STIMATE: variants seen among roughly 807,000 people sequenced by gnomAD.
STIMATE encodes store-operated calcium entry regulator STIMATE.
STIMATE carries 15 observed loss-of-function variants against 36.7 expected under a neutral mutation model. That is an observed-to-expected ratio of 0.41 (90% CI 0.27 to 0.63). The LOEUF (loss-of-function observed/expected upper bound fraction) is 0.63. Among genes scored for constraint, STIMATE ranks in the 20% least tolerant of loss-of-function variants. The pLI is 0.32. For missense variants in STIMATE, 305 were observed against 397.3 expected (o/e 0.77, Z 1.98); for synonymous variants, 163 against 162.3 (o/e 1.00, Z -0.03).
intron 1 of STIMATE, among the ~76,000 whole-genome samples, chr3:52,865,398 C>T (rs1268125778): frequency 6.6e-6 from 1 of 152,118 alleles, no homozygotes; most frequent in Non-Finnish European, 1.5e-5. Context: ...TCTACTGGTA[C>T]CAATTTACAG....
intron 2 of STIMATE, among the ~76,000 whole-genome samples, chr3:52,855,167 G>GT (rs1470571616): frequency 1.3e-5 from 2 of 152,160 alleles, no homozygotes; most frequent in African/African-American, 4.8e-5. Flanking sequence ...TGGAAGCAGA[G>GT]TGATTCTAAA....
At position 52,845,067 on chromosome 3, in the gene STIMATE, C is replaced by T. The variant is rs578206629; in HGVS notation, c.428-126G>A. 5 of 850,856 alleles carry T rather than the reference C, an allele frequency of 5.9e-6. No homozygotes were observed. In the South Asian group the frequency reaches 7.1e-5, roughly 12 times the overall value. The allele number at this position is 850,856 out of a possible 1,614,324, so 52.7% of individuals were successfully genotyped here. A position where few individuals can be genotyped will look rare whatever the true frequency, so the allele number is the denominator to read the frequency against. On this transcript the variant is annotated intron_variant, in intron 4 of 7. Transcript: ENST00000355083. ...TAAAGCTCTAAAGGTACTTAATGAG[C>T]CCCCCCAAAAGTCCAAAGGATTACC...
chr3:52,861,139 C>T (rs1298455127), intron 1 of STIMATE, among the ~76,000 whole-genome samples: 2 of 152,212 alleles, frequency 1.3e-5, no homozygotes, highest in African/African-American at 2.4e-5. Flanking sequence ...ACCCCTGAGG[C>T]GGAGGCTGAT....
At chr3:52,882,641 T>C (rs1411181796) in intron 1 of STIMATE, among the ~76,000 whole-genome samples, 2 of 152,220 alleles carry the variant, frequency 1.3e-5, no homozygotes, top group Admixed American at 1.3e-4. Context: ...ACCACAGTGT[T>C]TCTGTCCACC....
At chr3:52,861,251 G>A (rs1156699278) in intron 1 of STIMATE, among the ~76,000 whole-genome samples, 2 of 152,226 alleles carry the variant, frequency 1.3e-5, no homozygotes, top group African/African-American at 2.4e-5. Context: ...ACTGAACAGA[G>A]AGAGGGGAGA....
At chr3:52,859,449 C>T (rs6798941) in intron 1 of STIMATE, among the ~76,000 whole-genome samples, 39,251 of 127,600 alleles carry the variant, frequency 0.31, 5,941 homozygotes, top group Admixed American at 0.47. Context: ...TGAAGATCGC[C>T]TGAGGCCAGG....
intron 1 of STIMATE, among the ~76,000 whole-genome samples, chr3:52,858,552 G>A (rs1701147700): frequency 6.6e-6 from 1 of 152,198 alleles, no homozygotes; most frequent in African/African-American, 2.4e-5. Flanking sequence ...TTGAGCCCAG[G>A]AGGTTGAGGC....
intron 1 of STIMATE, among the ~76,000 whole-genome samples, chr3:52,874,952 C>T (rs766313214): frequency 6.6e-6 from 1 of 152,200 alleles, no homozygotes; most frequent in Non-Finnish European, 1.5e-5. Context: ...CTTCCTCAAA[C>T]CCAACTCATT....
intron 1 of STIMATE, among the ~76,000 whole-genome samples, chr3:52,893,901 A>G (rs1396572078): frequency 6.6e-6 from 1 of 152,180 alleles, no homozygotes; most frequent in Non-Finnish European, 1.5e-5. Flanking sequence ...ATGTCCTGAG[A>G]GCAAACACCC....
intron 1 of STIMATE, among the ~76,000 whole-genome samples, chr3:52,887,995 T>TTTTTTTTTTC (rs1701718814): frequency 2.1e-5 from 1 of 46,920 alleles, no homozygotes; most frequent in East Asian, 5.4e-4. Flanking sequence ...ACAGAATCAG[T>TTTTTTTTTTC]TTTTTTTTTT....
intron 1 of STIMATE, among the ~76,000 whole-genome samples, chr3:52,870,415 G>C (rs1377132680): frequency 1.3e-5 from 2 of 152,006 alleles, no homozygotes; most frequent in African/African-American, 2.4e-5. Flanking sequence ...TCCCACGTGG[G>C]AACGGACCCA....
At chr3:52,845,795 C>T (rs1185877752) in intron 4 of STIMATE, among the ~76,000 whole-genome samples, 1 of 152,060 alleles carries the variant, frequency 6.6e-6, no homozygotes, top group East Asian at 1.9e-4. Flanking sequence ...CTCCTGGGAG[C>T]CACATAGGCC....
rs137899883 is a variant in STIMATE, at chr3:52,861,390, G to A, written c.161-5946C>T. Among the ~76,000 whole-genome samples the A allele has an allele frequency of 7.1e-3, 1,088 of 152,284 alleles. 112 individuals are homozygous for A. In the South Asian group the frequency reaches 0.2, roughly 28 times the overall value. ...CCACAGCAGGCTCCTAAGCAGACTC[G>A]CGGCCTTTTGTGTACAGGTGTCCTG... On this transcript the variant is annotated intron_variant, in intron 1 of 7. Transcript: ENST00000355083.
chr3:52,844,664 A>C (rs1183804265), intron 5 of STIMATE, among the ~76,000 whole-genome samples, 165 bp downstream of exon 5: 2 of 152,222 alleles, frequency 1.3e-5, no homozygotes, highest in Non-Finnish European at 2.9e-5. Context: ...GATGCTAAGA[A>C]TTGACAAGCT....
intron 1 of STIMATE, among the ~76,000 whole-genome samples, chr3:52,878,494 G>A (rs1035571719): frequency 2.0e-5 from 3 of 152,062 alleles, no homozygotes; most frequent in East Asian, 1.9e-4. Context: ...GGTCCCGGCT[G>A]TACCACCTCT....
At chr3:52,876,946 A>G (rs1363329461) in intron 1 of STIMATE, among the ~76,000 whole-genome samples, 2 of 152,370 alleles carry the variant, frequency 1.3e-5, no homozygotes, top group East Asian at 1.9e-4. Flanking sequence ...ATGTTATTCT[A>G]CACTGAAGGT....
intron 1 of STIMATE, chr3:52,896,085 G>T: frequency 2.1e-6 from 1 of 485,680 alleles, no homozygotes. Context: ...GCCACCAGAA[G>T]AACGCGGTAT....
intron 1 of STIMATE, among the ~76,000 whole-genome samples, chr3:52,886,256 A>G (rs114025815): frequency 0.03 from 4,511 of 152,318 alleles, 224 homozygotes; most frequent in African/African-American, 0.1. Flanking sequence ...TCAGCGAAGC[A>G]GCATTGTGTG....
At chr3:52,860,314 C>G (rs1208530626) in intron 1 of STIMATE, among the ~76,000 whole-genome samples, 10 of 151,868 alleles carry the variant, frequency 6.6e-5, no homozygotes, top group Admixed American at 3.3e-4. Context: ...AACACAGAGG[C>G]AGGTGAAGAG....
Sources: allele counts gnomAD v4.1 joint callset (sites outside exome capture counted in the v4.1 genomes callset), GRCh38; gene constraint gnomAD v4.1.1; transcripts MANE v1.5; gene names NCBI Gene and HGNC (gene_info 2026-07-23, HGNC 2026-07-21).